C1orf21: variants seen among roughly 807,000 people sequenced by gnomAD.
C1orf21 encodes uncharacterized protein C1orf21.
C1orf21 carries 3 observed loss-of-function variants against 18.7 expected under a neutral mutation model. That is an observed-to-expected ratio of 0.16 (90% CI 0.07 to 0.42). The LOEUF (loss-of-function observed/expected upper bound fraction) is 0.42. Ranked by LOEUF, C1orf21 falls within the 10% of genes least tolerant of loss-of-function variation. The pLI, the probability that C1orf21 is intolerant of heterozygous loss-of-function variation, is 0.99. For synonymous variants in C1orf21, 41 were observed against 46.4 expected (o/e 0.88, Z 0.47); for missense variants, 104 against 143.6 (o/e 0.72, Z 1.41).
chr1:184,596,887 A>G (rs1467525497), intron 4 of C1orf21, among the ~76,000 whole-genome samples: 2 of 151,130 alleles, frequency 1.3e-5, no homozygotes, highest in Non-Finnish European at 2.9e-5. Flanking sequence ...AAAAAAAAAA[A>G]AGAAAGAAAG....
chr1:184,422,544 G>C lies in C1orf21; in HGVS notation c.-125+35176G>C, dbSNP rs536542236. 7.2e-5 allele frequency among the ~76,000 whole-genome samples: 11 copies of C among 152,328 alleles called. No homozygotes were observed. In the South Asian group the frequency reaches 2.3e-3, roughly 32 times the overall value. Reference sequence around the variant, plus strand: ...CACAGCTAGAAAGTAGAAGTACAAAGAGTAGAACACTGGTTCTTTGAGTTC... The same window carrying C: ...CACAGCTAGAAAGTAGAAGTACAAACAGTAGAACACTGGTTCTTTGAGTTC... On this transcript the variant is annotated intron_variant, in intron 1 of 5. Transcript: ENST00000235307.
chr1:184,524,610 G>GT (rs1005206263), intron 3 of C1orf21, among the ~76,000 whole-genome samples: 15 of 151,794 alleles, frequency 9.9e-5, no homozygotes, highest in African/African-American at 2.4e-4. Context: ...ATAGAACTGG[G>GT]TTTTTTTATA....
chr1:184,450,558 G>T (rs888399190), intron 1 of C1orf21, among the ~76,000 whole-genome samples: 1 of 152,104 alleles, frequency 6.6e-6, no homozygotes, highest in South Asian at 2.1e-4. Context: ...GTAGGTTTTG[G>T]CATTCACAAA....
intron 1 of C1orf21, among the ~76,000 whole-genome samples, chr1:184,410,666 T>TATATATATATATA: frequency 2.8e-5 from 1 of 35,430 alleles, no homozygotes; most frequent in East Asian, 8.4e-4. Context: ...TATATATATT[T>TATATATATATATA]TTTTTTTTTT....
chr1:184,396,237 C>T (rs1656048717), intron 1 of C1orf21, among the ~76,000 whole-genome samples: 1 of 152,088 alleles, frequency 6.6e-6, no homozygotes, highest in African/African-American at 2.4e-5. Flanking sequence ...GAGAGAAAAG[C>T]CTATTTTGTA....
At chr1:184,507,434 T>C (rs550377948) in intron 2 of C1orf21, among the ~76,000 whole-genome samples, 154 bp from the exon 3 acceptor site, 2 of 152,196 alleles carry the variant, frequency 1.3e-5, no homozygotes, top group Non-Finnish European at 2.9e-5. Context: ...CTAAGATGCC[T>C]AGTTAAGCTT....
At chr1:184,615,719 G>C (rs1659810551) in intron 5 of C1orf21, among the ~76,000 whole-genome samples, 1 of 152,210 alleles carries the variant, frequency 6.6e-6, no homozygotes, top group African/African-American at 2.4e-5. Flanking sequence ...CCAGTGTGCA[G>C]ATGGGGTCCC....
chr1:184,416,971 G>A (rs1465995947), intron 1 of C1orf21, among the ~76,000 whole-genome samples: 1 of 152,174 alleles, frequency 6.6e-6, no homozygotes, highest in African/African-American at 2.4e-5. Context: ...TGAAGGGTCT[G>A]AGAAACAGGA....
At chr1:184,475,094 C>T (rs950656903) in intron 1 of C1orf21, among the ~76,000 whole-genome samples, 7 of 152,194 alleles carry the variant, frequency 4.6e-5, no homozygotes, top group Non-Finnish European at 8.8e-5. Flanking sequence ...CCTTCTCCCA[C>T]CTTTACAGCT....
At chr1:184,445,864 C>T (rs542463817) in intron 1 of C1orf21, among the ~76,000 whole-genome samples, 1 of 152,226 alleles carries the variant, frequency 6.6e-6, no homozygotes, top group African/African-American at 2.4e-5. Context: ...CTCTTTATTA[C>T]CATTTTATCA....
intron 1 of C1orf21, among the ~76,000 whole-genome samples, chr1:184,432,902 G>C (rs1470258096): frequency 6.6e-6 from 1 of 152,118 alleles, no homozygotes; most frequent in Non-Finnish European, 1.5e-5. Flanking sequence ...TATTGTATTT[G>C]ATAACAAGAG....
chr1:184,535,140 C>T (rs1658532004), intron 3 of C1orf21, among the ~76,000 whole-genome samples: 1 of 152,200 alleles, frequency 6.6e-6, no homozygotes, highest in Non-Finnish European at 1.5e-5. Flanking sequence ...TACAGTGAGA[C>T]AGGGAACTAC....
chr1:184,490,287 G>C (rs1368664907), intron 2 of C1orf21, among the ~76,000 whole-genome samples: 1 of 152,242 alleles, frequency 6.6e-6, no homozygotes, highest in African/African-American at 2.4e-5. Context: ...TGGTAAAGAT[G>C]CAATAGATGG....
chr1:184,406,009 A>G (rs567288356), intron 1 of C1orf21, among the ~76,000 whole-genome samples: 6 of 152,294 alleles, frequency 3.9e-5, no homozygotes, highest in African/African-American at 1.4e-4. Flanking sequence ...TTTTCATTAT[A>G]TTTGAGTGTC....
At chr1:184,601,384 C>G (rs182881069) in intron 5 of C1orf21, among the ~76,000 whole-genome samples, 38 of 152,302 alleles carry the variant, frequency 2.5e-4, no homozygotes, top group Admixed American at 1.8e-3. Context: ...AATTTCTGCT[C>G]TATCTCCCTC....
At chr1:184,586,363 G>A (rs1485913951) in intron 3 of C1orf21, among the ~76,000 whole-genome samples, 1 of 149,302 alleles carries the variant, frequency 6.7e-6, no homozygotes, top group African/African-American at 2.5e-5. Context: ...GCTCACTGCA[G>A]GCTCCGCCCC....
At chr1:184,563,442 A>C (rs1658993031) in intron 3 of C1orf21, among the ~76,000 whole-genome samples, 1 of 152,230 alleles carries the variant, frequency 6.6e-6, no homozygotes, top group Non-Finnish European at 1.5e-5. Context: ...TCCTACCCCA[A>C]AGCACTACCA....
chr1:184,525,968 TAC>T (rs1658371282), intron 3 of C1orf21, among the ~76,000 whole-genome samples: 1 of 152,186 alleles, frequency 6.6e-6, no homozygotes. Context: ...ATAAGGTAAA[TAC>T]ATTCACCATG....
chr1:184,446,685 G>A (rs2101977533), intron 1 of C1orf21, among the ~76,000 whole-genome samples: 1 of 151,748 alleles, frequency 6.6e-6, no homozygotes, highest in Non-Finnish European at 1.5e-5. Flanking sequence ...CAGTTTCAGT[G>A]TATGGAGCTT....
Sources: allele counts gnomAD v4.1 joint callset (sites outside exome capture counted in the v4.1 genomes callset), GRCh38; gene constraint gnomAD v4.1.1; transcripts MANE v1.5; gene names NCBI Gene and HGNC (gene_info 2026-07-23, HGNC 2026-07-21).